The following ZNF445 variants were observed in gnomAD, a reference collection of about 807,000 sequenced individuals.
ZNF445 encodes the protein zinc finger protein 168.
A neutral mutation model predicts 93.9 loss-of-function variants in ZNF445; 19 were observed. The ratio of observed to expected loss-of-function variants is 0.20; its 90% CI spans 0.14 to 0.30. The LOEUF is 0.30. Among genes scored for constraint, ZNF445 ranks in the 10% least tolerant of loss-of-function variants. ZNF445 has a pLI of 1.00. For synonymous variants in ZNF445, 449 were observed against 446.3 expected (o/e 1.01, Z -0.08); for missense variants, 1,058 against 1,259.4 (o/e 0.84, Z 2.42).
At chr3:44,457,259 C>G (rs747153059) in intron 2 of ZNF445, among the ~76,000 whole-genome samples, 6 of 151,980 alleles carry the variant, frequency 3.9e-5, no homozygotes, top group Non-Finnish European at 8.8e-5. Flanking sequence ...ACCTGTGATA[C>G]ACCCAACTGA....
rs1403487953 is a variant in ZNF445 at position 44,435,450 on chromosome 3, CTAGT to C, written c.*11121_*11124del. ...GAAACAGCACCTGCACTTGGAATCA[CTAGT>C]TAATTAAGTTTACAATTAATCCAAT... On this transcript the variant is annotated 3_prime_UTR_variant, in exon 8 of 8. Transcript: ENST00000396077. The C allele has an allele frequency of 1.3e-5, 2 of 152,186 alleles. No homozygotes were observed. The highest frequency in any genetic ancestry group is 4.1e-4 in the South Asian group (2 of 4,832). The allele number at this position is 152,186 out of a possible 1,614,324, so 9.4% of individuals were successfully genotyped here. A position where few individuals can be genotyped will look rare whatever the true frequency, so the allele number is the denominator to read the frequency against.
intron 3 of ZNF445, 124 bp downstream of exon 3, chr3:44,454,997 A>G: frequency 8.2e-7 from 1 of 1,216,400 alleles, no homozygotes. Flanking sequence ...GTACCATGGG[A>G]AGAAAGGAAG....
chr3:44,467,637 C>G (rs562062199), intron 1 of ZNF445, among the ~76,000 whole-genome samples: 38 of 152,256 alleles, frequency 2.5e-4, no homozygotes, highest in Admixed American at 5.9e-4. Context: ...ATCTGAGATT[C>G]TTCATGGAAC....
intron 3 of ZNF445, among the ~76,000 whole-genome samples, chr3:44,453,306 T>A (rs1697981962): frequency 1.3e-5 from 2 of 152,068 alleles, no homozygotes; most frequent in East Asian, 3.9e-4. Flanking sequence ...TTTTTTAATT[T>A]TTTTTTTAGA....
rs1052005214 is a variant in ZNF445 at position 44,436,718 on chromosome 3, T to A, written c.*9857A>T. ...GTCTCAAACTCCTGGCCTCAAGCAA[T>A]CCTCCCACCTCAGCCTCCCAAGCTG... On this transcript the variant is annotated 3_prime_UTR_variant, in exon 8 of 8. Coordinates refer to ENST00000396077, the MANE Select transcript of ZNF445 (RefSeq NM_181489.6). 6.6e-6 allele frequency: 1 copy of A among 151,878 alleles called. No homozygotes were observed. The highest frequency in any genetic ancestry group is 1.5e-5 in the Non-Finnish European group (1 of 68,002). 9.4% of individuals were successfully genotyped at this position (151,878 alleles called of 1,614,324 possible). A position where few individuals can be genotyped will look rare whatever the true frequency, so the allele number is the denominator to read the frequency against.
In ZNF445 at chr3:44,433,691, T is replaced by C. The variant is rs1296549295; in HGVS notation, c.*12884A>G. 6.6e-6 allele frequency: 1 copy of C among 152,154 alleles called. No individual in the cohort carries two copies. Among genetic ancestry groups the C allele is most frequent in the Non-Finnish European group, 1.5e-5 (1 of 68,072 alleles). The allele number at this position is 152,154 out of a possible 1,614,324, so 9.4% of individuals were successfully genotyped here. On this transcript the variant is annotated 3_prime_UTR_variant, in exon 8 of 8. Coordinates refer to ENST00000396077, the MANE Select transcript of ZNF445 (RefSeq NM_181489.6). The stretch of plus-strand genomic sequence containing the variant: ...GAGAGAGTGGGAAAGTGGAGAACCA[T>C]CAGCTCACTTTCCCTCACGCCATGG...
chr3:44,447,491 T>C lies in ZNF445; in HGVS notation c.2180A>G (p.His727Arg). 6.2e-7 allele frequency: 1 copy of C among 1,614,212 alleles called. No homozygotes were observed. The change falls in exon 8 of 8, where the codon CAT becomes CGT. Residue 727 changes from histidine to arginine, a missense_variant. By Grantham distance (29) the His-to-Arg change is conservative. Around this residue, in one of 3 missense-constraint regions of ZNF445, gnomAD observed 387 missense variants for 475.7 expected, o/e 0.81. Coordinates refer to ENST00000396077, the MANE Select transcript of ZNF445 (RefSeq NM_181489.6). This position sits in a 1 kb window ranked among gnomAD's most constrained non-coding sequence, Gnocchi z 4.7. ...TCTTTTCATGGCATGCTTCTTCTTA[T>C]GAACAATAAAGGCTGACCTATAGGC... ...DFAYRSAFIV[H>R]KKKHAMKRKP...
intron 1 of ZNF445, among the ~76,000 whole-genome samples, chr3:44,459,969 A>G (rs1342376362): frequency 6.6e-6 from 1 of 152,244 alleles, no homozygotes; most frequent in Non-Finnish European, 1.5e-5. Flanking sequence ...TAGGAGGCCA[A>G]TATGGGAGGA....
Position 44,448,461 on chromosome 3 carries a change from A to C in ZNF445, c.1210T>G (p.Leu404Val). The C allele has an allele frequency of 6.2e-7, 1 of 1,613,808 alleles. No homozygotes were observed. The highest frequency in any genetic ancestry group is 2.2e-5 in the East Asian group (1 of 44,880). Residue 404 changes from leucine to valine, a missense_variant, in exon 8 of 8, where the codon TTG (leucine) becomes GTG (valine). Physicochemically the swap from Leu to Val is conservative, Grantham distance 32 (BLOSUM62 1). Around this residue, in one of 3 missense-constraint regions of ZNF445, gnomAD observed 657 missense variants for 746.4 expected, o/e 0.88. Coordinates refer to ENST00000396077, the MANE Select transcript of ZNF445 (RefSeq NM_181489.6). ...NSLDLKHVTY[L>V]RVSGRKESLK... ...GATTCCTTTCTTCCAGAAACTCTCA[A>C]ATATGTAACATGTTTTAAGTCAAGA...
chr3:44,434,392 G>A lies in ZNF445; in HGVS notation c.*12183C>T, dbSNP rs1378362217. The A allele has an allele frequency of 6.6e-6, 1 of 151,820 alleles. No homozygotes were observed. The highest frequency in any genetic ancestry group is 1.9e-4 in the East Asian group (1 of 5,160). The allele number at this position is 151,820 out of a possible 1,614,324, so 9.4% of individuals were successfully genotyped here. A position where few individuals can be genotyped will look rare whatever the true frequency, so the allele number is the denominator to read the frequency against. ...CCTCCACTCCAGCTCGAGCTACAGAGTGAGACTCTGTCTCAAAAAAGAAAA... is the reference window on the plus strand; with the variant it reads ...CCTCCACTCCAGCTCGAGCTACAGAATGAGACTCTGTCTCAAAAAAGAAAA... On this transcript the variant is annotated 3_prime_UTR_variant, in exon 8 of 8. Coordinates refer to ENST00000396077, the MANE Select transcript of ZNF445 (RefSeq NM_181489.6).
intron 7 of ZNF445, among the ~76,000 whole-genome samples, chr3:44,449,045 G>C (rs1697920277): frequency 6.6e-6 from 1 of 152,154 alleles, no homozygotes; most frequent in South Asian, 2.1e-4. Flanking sequence ...TTATAGAAAG[G>C]TACCCAAAAG....
At chr3:44,466,877 A>G (rs898459928) in intron 1 of ZNF445, among the ~76,000 whole-genome samples, 2 of 152,244 alleles carry the variant, frequency 1.3e-5, no homozygotes, top group African/African-American at 4.8e-5. Context: ...AATTTAGTGT[A>G]CATTATTATA....
In ZNF445 at chr3:44,446,856, A is replaced by T; in HGVS notation, c.2815T>A (p.Leu939Met). ...CTTGGTTTTAGCTTCTGTAATCTCA[A>T]CTTTGTGTCCTGAGAGGAAGACCGT... Reference protein sequence around the residue: ...PARSSSQDTKLRLQKLKPSEE... With the variant: ...PARSSSQDTKMRLQKLKPSEE... Residue 939 changes from leucine to methionine, a missense_variant, in exon 8 of 8, where the codon TTG (leucine) becomes ATG (methionine). Around this residue, in one of 3 missense-constraint regions of ZNF445, gnomAD observed 387 missense variants for 475.7 expected, o/e 0.81. Transcript: ENST00000396077. This position sits in a 1 kb window ranked among gnomAD's most constrained non-coding sequence, Gnocchi z 4.2. 6.2e-7 allele frequency: 1 copy of T among 1,614,038 alleles called. No homozygotes were observed. Among genetic ancestry groups the T allele is most frequent in the African/African-American group, 1.3e-5 (1 of 75,006 alleles).
intron 1 of ZNF445, among the ~76,000 whole-genome samples, chr3:44,473,204 T>C (rs372242786): frequency 9.6e-4 from 146 of 152,210 alleles, no homozygotes; most frequent in African/African-American, 3.4e-3. Context: ...ACACCTGTAA[T>C]CCCAGCACTT....
chr3:44,467,077 T>A (rs988195995), intron 1 of ZNF445, among the ~76,000 whole-genome samples: 1 of 152,200 alleles, frequency 6.6e-6, no homozygotes. Flanking sequence ...AATTGTGCTA[T>A]TGGAATAGAG....
chr3:44,451,010 A>G, intron 4 of ZNF445, 48 bp from the exon 5 acceptor site: 1 of 1,445,260 alleles, frequency 6.9e-7, no homozygotes, highest in South Asian at 1.4e-5. Context: ...TGGACAGCCC[A>G]GTGAGAAGCC....
intron 2 of ZNF445, 75 bp from the exon 3 acceptor site, chr3:44,455,771 T>C (rs779665429): frequency 3.8e-6 from 2 of 519,920 alleles, no homozygotes; most frequent in Non-Finnish European, 6.7e-6. Flanking sequence ...GGATCATCTT[T>C]GTATATATAA....
Position 44,463,944 on chromosome 3 carries a change from C to T in ZNF445, c.-268-5580G>A, listed in dbSNP as rs145546428. Among the ~76,000 whole-genome samples the T allele has an allele frequency of 8.8e-3, 1,334 of 152,138 alleles. 21 individuals carry two copies. Among genetic ancestry groups the T allele is most frequent in the African/African-American group, 0.031 (1,273 of 41,490 alleles). ...GAGTTCAAGACCAGCCTGGCCAATACGGTGAAACCTCGTCTCTACTAAAAT... is the reference window on the plus strand; with the variant it reads ...GAGTTCAAGACCAGCCTGGCCAATATGGTGAAACCTCGTCTCTACTAAAAT... On this transcript the variant is annotated intron_variant, in intron 1 of 7. Coordinates refer to ENST00000396077, the MANE Select transcript of ZNF445 (RefSeq NM_181489.6).
chr3:44,461,089 C>T (rs1301182481), intron 1 of ZNF445, among the ~76,000 whole-genome samples: 1 of 152,178 alleles, frequency 6.6e-6, no homozygotes, highest in Non-Finnish European at 1.5e-5. Context: ...CACAGGGTGT[C>T]TGTCTGTAGC....
Sources: gnomAD v4.1 joint callset for allele counts (sites outside exome capture counted in the v4.1 genomes callset) on GRCh38, gnomAD v4.1.1 for gene constraint, gnomAD v4.1.1 regional missense constraint, Gnocchi (gnomAD v3.1) non-coding constraint, MANE v1.5 for transcripts, NCBI Gene and HGNC (gene_info 2026-07-23, HGNC 2026-07-21) for gene names.